Variants in FNDC3B observed in about 807,000 individuals in gnomAD.
FNDC3B encodes fibronectin type III domain-containing protein 3B.
Under a neutral mutation model 151.5 loss-of-function variants are expected in FNDC3B, and 12 were observed. The observed-to-expected ratio is 0.08, with a 90% CI of 0.05 to 0.13. FNDC3B has a LOEUF of 0.13. Among genes scored for constraint, FNDC3B ranks in the 10% least tolerant of loss-of-function variants. The probability of loss-of-function intolerance (pLI) is 1.00; values close to 1 mark genes in which losing one functional copy is unlikely to be tolerated. For missense variants in FNDC3B, 1,214 were observed against 1,505.3 expected (o/e 0.81, Z 3.20); for synonymous variants, 528 against 549.0 (o/e 0.96, Z 0.54).
chr3:172,301,239 G>C (rs1730899292), intron 9 of FNDC3B, among the ~76,000 whole-genome samples: 1 of 152,160 alleles, frequency 6.6e-6, no homozygotes, highest in Non-Finnish European at 1.5e-5. Flanking sequence ...GTTTTCCCAA[G>C]CTCGTTGCAG....
chr3:172,310,895 C>A lies in FNDC3B; in HGVS notation c.1254+14C>A. On this transcript the variant is annotated intron_variant, in intron 11 of 25. Transcript: ENST00000415807. ...GAGTGGGATGAGGTAAGCTTATTTT[C>A]ATATTCACCCATCTAAAACACCATT... 1 of 1,585,902 alleles carries A rather than the reference C, an allele frequency of 6.3e-7. No individual in the cohort carries two copies. Among genetic ancestry groups the A allele is most frequent in the Non-Finnish European group, 8.7e-7 (1 of 1,154,310 alleles).
At chr3:172,371,260 C>T (rs969053925) in intron 23 of FNDC3B, among the ~76,000 whole-genome samples, 15 of 152,050 alleles carry the variant, frequency 9.9e-5, no homozygotes, top group South Asian at 4.1e-4. Context: ...GCCATTGCTA[C>T]GTAAATAGTT....
chr3:172,043,311 C>A (rs1027977442), intron 1 of FNDC3B, among the ~76,000 whole-genome samples: 2 of 151,968 alleles, frequency 1.3e-5, no homozygotes, highest in African/African-American at 2.4e-5. Flanking sequence ...CTTTTTGACT[C>A]CCAAATCTTT....
Position 172,330,176 on chromosome 3 carries a change from C to G in FNDC3B, c.1380-365C>G, listed in dbSNP as rs558750835. The G allele has an allele frequency of 3.2e-5, 5 of 158,244 alleles. No individual in the cohort carries two copies. The South Asian group carries it at 8.0e-4, about 25-fold the overall frequency. 9.8% of individuals were successfully genotyped at this position (158,244 alleles called of 1,614,324 possible). A position where few individuals can be genotyped will look rare whatever the true frequency, so the allele number is the denominator to read the frequency against. ...AGTCACTGATATAAAATGGCATAGT[C>G]TTTGCATATAACCTACACACATCCT... is the stretch of plus-strand genomic sequence containing the variant. On this transcript the variant is annotated intron_variant, in intron 12 of 25. Coordinates refer to ENST00000415807, the MANE Select transcript of FNDC3B (RefSeq NM_022763.4).
At chr3:172,086,542 T>C (rs1385871910) in intron 1 of FNDC3B, among the ~76,000 whole-genome samples, 1 of 152,214 alleles carries the variant, frequency 6.6e-6, no homozygotes, top group African/African-American at 2.4e-5. Flanking sequence ...ATTGCCTATT[T>C]GATTATGTGA....
At chr3:172,383,779 A>G (rs1041905157) in intron 25 of FNDC3B, among the ~76,000 whole-genome samples, 18 of 152,224 alleles carry the variant, frequency 1.2e-4, no homozygotes, top group African/African-American at 4.3e-4. Flanking sequence ...TTGATTCTTA[A>G]TTCTTCCAAA....
chr3:172,154,082 T>C (rs1722363827), intron 3 of FNDC3B, among the ~76,000 whole-genome samples: 1 of 152,178 alleles, frequency 6.6e-6, no homozygotes, highest in South Asian at 2.1e-4. Context: ...CTACTGAATA[T>C]TTTTTGAGTT....
intron 3 of FNDC3B, among the ~76,000 whole-genome samples, chr3:172,187,475 T>C (rs1453784760): frequency 6.6e-6 from 1 of 152,168 alleles, no homozygotes; most frequent in Admixed American, 6.5e-5. Context: ...GGAGGAATGA[T>C]TGAATGTGTG....
chr3:172,287,380 G>T (rs988565149), intron 7 of FNDC3B, among the ~76,000 whole-genome samples: 6 of 152,202 alleles, frequency 3.9e-5, no homozygotes, highest in African/African-American at 1.4e-4. Flanking sequence ...GGCCGATGCT[G>T]AGGAGCGAGG....
At chr3:172,220,145 C>T (rs1190940658) in intron 3 of FNDC3B, among the ~76,000 whole-genome samples, 1 of 143,724 alleles carries the variant, frequency 7.0e-6, no homozygotes, top group Non-Finnish European at 1.5e-5. Context: ...TTCTCCACAA[C>T]TTTGTCAACA....
rs73037194 is a variant in FNDC3B at position 172,056,127 on chromosome 3, G to C, written c.-29+16356G>C. Among the ~76,000 whole-genome samples, 640 of 152,216 alleles carry C rather than the reference G, an allele frequency of 4.2e-3. 5 individuals are homozygous for C. The highest frequency in any genetic ancestry group is 0.014 in the African/African-American group (600 of 41,520). The stretch of plus-strand genomic sequence containing the variant: ...GGGATGGCAGGTTTTCCAAATCCTA[G>C]TTTCCACTGAGTCATCGGTGAGTCC... On this transcript the variant is annotated intron_variant, in intron 1 of 25. Transcript: ENST00000415807.
intron 4 of FNDC3B, among the ~76,000 whole-genome samples, chr3:172,244,253 A>G (rs1446266764): frequency 6.6e-6 from 1 of 152,260 alleles, no homozygotes; most frequent in Non-Finnish European, 1.5e-5. Context: ...CCTACACCAC[A>G]AAAGGAAATG....
Position 172,372,572 on chromosome 3 carries a change from A to G in FNDC3B, c.3009-5698A>G, listed in dbSNP as rs1734933795. 3.3e-5 allele frequency among the ~76,000 whole-genome samples: 5 copies of G among 152,192 alleles called. No individual in the cohort carries two copies. The South Asian group carries it at 1.0e-3, about 32-fold the overall frequency. ...CCTTGGCCACCAAATTAGATGAGTG[A>G]TTTATGTTGGGGAGAACTAAATGTC... is the stretch of plus-strand genomic sequence containing the variant. On this transcript the variant is annotated intron_variant, in intron 23 of 25. Coordinates refer to ENST00000415807, the MANE Select transcript of FNDC3B (RefSeq NM_022763.4).
intron 2 of FNDC3B, among the ~76,000 whole-genome samples, chr3:172,119,152 A>G (rs1720412298): frequency 6.9e-6 from 1 of 144,932 alleles, no homozygotes; most frequent in South Asian, 2.2e-4. Flanking sequence ...CCTGGGTGAC[A>G]CAGTGAGACT....
At position 172,397,487 on chromosome 3, in the gene FNDC3B, C is replaced by T. The variant is rs1224621305; in HGVS notation, c.*12C>T. ...TCTTAATGAAGTAAACCCAACAAAA[C>T]TAGAGGTATGAATTAATGCTACACA... On this transcript the variant is annotated 3_prime_UTR_variant, in exon 26 of 26. Transcript: ENST00000415807. 2 of 1,523,826 alleles carry T rather than the reference C, an allele frequency of 1.3e-6. No individual in the cohort carries two copies. Among genetic ancestry groups the T allele is most frequent in the Non-Finnish European group, 1.8e-6 (2 of 1,121,356 alleles). 94.4% of individuals were successfully genotyped at this position (1,523,826 alleles called of 1,614,324 possible).
At position 172,307,359 on chromosome 3, in the gene FNDC3B, T is replaced by C; in HGVS notation, c.1062-4T>C. 6.2e-7 allele frequency: 1 copy of C among 1,614,126 alleles called. No individual in the cohort carries two copies. The highest frequency in any genetic ancestry group is 2.2e-5 in the East Asian group (1 of 44,886). ...GCCACTGACTGTGTCTGTTTTGTTT[T>C]CAGGGTGTATGCCATGTACAATTCC... is the stretch of plus-strand genomic sequence containing the variant. On this transcript the variant is annotated splice_polypyrimidine_tract_variant and splice_region_variant and intron_variant, in intron 9 of 25. Transcript: ENST00000415807.
At chr3:172,042,964 G>C (rs1414929889) in intron 1 of FNDC3B, among the ~76,000 whole-genome samples, 1 of 152,068 alleles carries the variant, frequency 6.6e-6, no homozygotes, top group African/African-American at 2.4e-5. Context: ...GCCCAGGCTG[G>C]AGTGCAGTGG....
At chr3:172,212,725 A>G (rs1725793275) in intron 3 of FNDC3B, among the ~76,000 whole-genome samples, 1 of 152,214 alleles carries the variant, frequency 6.6e-6, no homozygotes, top group Non-Finnish European at 1.5e-5. Flanking sequence ...TATCATGAAC[A>G]ATTAAGTAAC....
At chr3:172,335,296 A>C in intron 15 of FNDC3B, 1 of 413,454 alleles carries the variant, frequency 2.4e-6, no homozygotes, top group Non-Finnish European at 4.3e-6. Flanking sequence ...TGGACAATTA[A>C]ATTTTAGTGG....
Sources: allele counts gnomAD v4.1 joint callset (sites outside exome capture counted in the v4.1 genomes callset), GRCh38; gene constraint gnomAD v4.1.1; transcripts MANE v1.5; gene names NCBI Gene and HGNC (gene_info 2026-07-23, HGNC 2026-07-21).